Variants in PLAAT3 observed in about 807,000 individuals in gnomAD.
PLAAT3 encodes Ca-independent phospholipase A1/2.
Under a neutral mutation model 16.7 loss-of-function variants are expected in PLAAT3, and 21 were observed. That is an observed-to-expected ratio of 1.26 (90% CI 0.89 to 1.81). PLAAT3 has a LOEUF of 1.81. PLAAT3 is among the 40% of genes most tolerant of loss of function. PLAAT3 has a pLI of 0.00. For missense variants in PLAAT3, 219 were observed against 213.7 expected, an observed-to-expected ratio of 1.02 and a Z score of -0.16; for synonymous variants, 76 against 81.7, an observed-to-expected ratio of 0.93 and a Z score of 0.38.
intron 2 of PLAAT3, among the ~76,000 whole-genome samples, chr11:63,612,307 C>CAGG (rs1323670600): frequency 6.6e-6 from 1 of 151,914 alleles, no homozygotes; most frequent in African/African-American, 2.4e-5. Context: ...TCACTGCACC[C>CAGG]AGCCTGTCTT....
At chr11:63,583,843 T>C (rs1313553037) in intron 4 of PLAAT3, among the ~76,000 whole-genome samples, 1 of 152,144 alleles carries the variant, frequency 6.6e-6, no homozygotes, top group Admixed American at 6.5e-5. Flanking sequence ...ACTACAGACA[T>C]TTAGACATTT....
chr11:63,584,344 C>T (rs1441157863), intron 4 of PLAAT3, among the ~76,000 whole-genome samples: 1 of 149,604 alleles, frequency 6.7e-6, no homozygotes, highest in East Asian at 2.0e-4. Context: ...CAAAACCCTA[C>T]TAAAATATAT....
At chr11:63,615,017 A>AATATATATAT (rs1338719563), upstream of PLAAT3, among the ~76,000 whole-genome samples, 59 of 17,508 alleles carry the variant, frequency 3.4e-3, 11 homozygotes, top group East Asian at 0.041. Flanking sequence ...TCAGTCTCAA[A>AATATATATAT]ATATATATAT....
At chr11:63,608,161 G>A (rs977581636) in intron 2 of PLAAT3, among the ~76,000 whole-genome samples, 9 of 152,166 alleles carry the variant, frequency 5.9e-5, no homozygotes, top group African/African-American at 1.9e-4. Context: ...CAGCCTGGGC[G>A]ACAGAGCAAG....
intron 2 of PLAAT3, among the ~76,000 whole-genome samples, chr11:63,612,972 T>A (rs927175969): frequency 1.3e-5 from 2 of 152,168 alleles, no homozygotes; most frequent in African/African-American, 4.8e-5. Flanking sequence ...CCACTCCAGG[T>A]GTCAAACAAA....
intron 3 of PLAAT3, among the ~76,000 whole-genome samples, chr11:63,596,222 A>G (rs1160609029): frequency 2.2e-5 from 3 of 136,170 alleles, no homozygotes; most frequent in Non-Finnish European, 3.1e-5. Context: ...CCTGGGCGAC[A>G]GAGCGAGACT....
intron 3 of PLAAT3, among the ~76,000 whole-genome samples, chr11:63,596,649 G>A (rs1938295652): frequency 6.6e-6 from 1 of 151,768 alleles, no homozygotes; most frequent in South Asian, 2.1e-4. Flanking sequence ...GAGTGATATG[G>A]TTTGGCTCTG....
intron 3 of PLAAT3, among the ~76,000 whole-genome samples, chr11:63,593,725 G>C (rs1165857692): frequency 6.6e-6 from 1 of 151,994 alleles, no homozygotes; most frequent in Non-Finnish European, 1.5e-5. Flanking sequence ...GACTACAGTG[G>C]CGCGTCACCA....
chr11:63,584,443 C>T (rs982224474), intron 4 of PLAAT3, among the ~76,000 whole-genome samples: 5 of 151,056 alleles, frequency 3.3e-5, no homozygotes, highest in African/African-American at 4.9e-5. Flanking sequence ...GCACAAATTA[C>T]GTTTTAGTTT....
At chr11:63,575,235 G>A (rs1470340509) in intron 4 of PLAAT3, among the ~76,000 whole-genome samples, 189 bp from the exon 5 acceptor site, 1 of 152,242 alleles carries the variant, frequency 6.6e-6, no homozygotes, top group African/African-American at 2.4e-5. Flanking sequence ...TTCGTGGCTG[G>A]AGCCAGCTGG....
rs576320083 is a variant in PLAAT3 at position 63,599,987 on chromosome 11, T to C, written c.16-1824A>G. Among the ~76,000 whole-genome samples the C allele has an allele frequency of 1.2e-4, 19 of 152,302 alleles. 1 individual carries two copies. In the South Asian group the frequency reaches 3.5e-3, roughly 28 times the overall value. On this transcript the variant is annotated intron_variant, in intron 2 of 4. Transcript: ENST00000415826. ...CCTCACATAGAACATGCTGCCTTTATTTTTTCTTTTTAAGACAGGATCTCA... is the reference window on the plus strand; with the variant it reads ...CCTCACATAGAACATGCTGCCTTTACTTTTTCTTTTTAAGACAGGATCTCA...
intron 4 of PLAAT3, among the ~76,000 whole-genome samples, chr11:63,584,665 G>A (rs1003572421): frequency 1.3e-5 from 2 of 151,566 alleles, no homozygotes; most frequent in African/African-American, 2.4e-5. Context: ...AGGCCACCAC[G>A]CCCAGCTAAT....
chr11:63,612,860 A>C (rs1231247476), intron 2 of PLAAT3, among the ~76,000 whole-genome samples: 1 of 152,220 alleles, frequency 6.6e-6, no homozygotes, highest in East Asian at 1.9e-4. Context: ...GGTTCAATAA[A>C]AGAAAATGCT....
chr11:63,590,099 C>G lies in PLAAT3; in HGVS notation c.387+1G>C, dbSNP rs780479630. 2 of 1,612,854 alleles carry G rather than the reference C, an allele frequency of 1.2e-6. No individual in the cohort carries two copies. Among genetic ancestry groups the G allele is most frequent in the South Asian group, 2.2e-5 (2 of 91,024 alleles). On this transcript the variant is annotated splice_donor_variant, in intron 4 of 4. Coordinates refer to ENST00000415826, the MANE Select transcript of PLAAT3 (RefSeq NM_001128203.2). LOFTEE classifies it high-confidence loss of function. ...GAAGGCGACACAGGCAGAGGACGCA[C>G]CTGGTCACTGCGGGCGACTCCATAG...
Position 63,613,578 on chromosome 11 carries a change from A to AG in PLAAT3, c.15+421dup, listed in dbSNP as rs1375136433. On this transcript the variant is annotated intron_variant, in intron 2 of 4. Coordinates refer to ENST00000415826, the MANE Select transcript of PLAAT3 (RefSeq NM_001128203.2). The stretch of plus-strand genomic sequence containing the variant: ...CTCTGCTGCGGTCCGGCCAGGCGGA[A>AG]GGGGGGCAGTCGCCAAGCACAGTTA... Among the ~76,000 whole-genome samples, 3 of 152,230 alleles carry AG rather than the reference A, an allele frequency of 2.0e-5. No individual in the cohort carries two copies. In the East Asian group the frequency reaches 5.8e-4, roughly 29 times the overall value.
At chr11:63,584,520 T>A (rs918315160) in intron 4 of PLAAT3, among the ~76,000 whole-genome samples, 2 of 149,610 alleles carry the variant, frequency 1.3e-5, no homozygotes, top group African/African-American at 4.9e-5. Flanking sequence ...TTTTTTTTGT[T>A]TTTTTTTTTT....
intron 3 of PLAAT3, among the ~76,000 whole-genome samples, chr11:63,590,899 A>C (rs538806876): frequency 1.1e-4 from 16 of 152,346 alleles, no homozygotes; most frequent in African/African-American, 3.4e-4. Context: ...GCCCAGGCCA[A>C]GGCCCAGGGC....
chr11:63,576,768 A>G (rs2017667392), intron 4 of PLAAT3, among the ~76,000 whole-genome samples: 1 of 152,252 alleles, frequency 6.6e-6, no homozygotes, highest in African/African-American at 2.4e-5. Flanking sequence ...TTCCTAACCT[A>G]TGAAGTTGAA....
chr11:63,587,968 C>G (rs944506766), intron 4 of PLAAT3, among the ~76,000 whole-genome samples: 10 of 152,112 alleles, frequency 6.6e-5, no homozygotes, highest in African/African-American at 2.2e-4. Flanking sequence ...AATCCTAGCA[C>G]TTTGGGAGGC....
Sources: gnomAD v4.1 joint callset for allele counts (sites outside exome capture counted in the v4.1 genomes callset) on GRCh38, gnomAD v4.1.1 for gene constraint, MANE v1.5 for transcripts, NCBI Gene and HGNC (gene_info 2026-07-23, HGNC 2026-07-21) for gene names.